The following NDE1 variants were observed in gnomAD, a reference collection of about 807,000 sequenced individuals.
NDE1 encodes the protein nudE neurodevelopment protein 1.
Under a neutral mutation model 43.4 loss-of-function variants are expected in NDE1, and 28 were observed. The ratio of observed to expected loss-of-function variants is 0.65; its 90% CI spans 0.48 to 0.89. The LOEUF is 0.89. Ranked by LOEUF, NDE1 falls within the 40% of genes least tolerant of loss-of-function variation. The probability of loss-of-function intolerance (pLI) is 0.00; values close to 1 mark genes in which losing one functional copy is unlikely to be tolerated. For synonymous variants in NDE1, 184 were observed against 172.0 expected, an observed-to-expected ratio of 1.07 and a Z score of -0.55; for missense variants, 441 against 434.1, an observed-to-expected ratio of 1.02 and a Z score of -0.14.
At chr16:15,722,701 A>C (rs2040548186) in intron 8 of NDE1, among the ~76,000 whole-genome samples, 2 of 152,178 alleles carry the variant, frequency 1.3e-5, no homozygotes, top group Non-Finnish European at 1.5e-5. Context: ...AGGGGTAGGG[A>C]ACCTGCAGGC....
chr16:15,672,869 T>G (rs1024356314), intron 3 of NDE1: 1 of 152,252 alleles, frequency 6.6e-6, no homozygotes, highest in African/African-American at 2.4e-5. Context: ...GGTCTGCCTC[T>G]ACTTGCTGGG....
chr16:15,691,313 C>T lies in NDE1; in HGVS notation c.693C>T (p.Ser231=). ...GPSSSLNTPG[S]FRRGLDDSTG... ...GCTCAAGTTTAAACACACCTGGGAG[C>T]TTCAGACGTGGTAAGGGGAGTGGGA... The change falls in exon 6 of 9, where the codon AGC becomes AGT. Residue 231 remains serine (S), a synonymous_variant. Transcript: ENST00000396354. The T allele has an allele frequency of 6.2e-7, 1 of 1,614,018 alleles. No individual in the cohort carries two copies. The highest frequency in any genetic ancestry group is 8.5e-7 in the Non-Finnish European group (1 of 1,179,980).
intron 8 of NDE1, chr16:15,703,331 T>C (rs190666606): frequency 4.3e-6 from 1 of 230,766 alleles, no homozygotes; most frequent in Non-Finnish European, 8.6e-6. Context: ...AGGCCTGACG[T>C]GAGAAGTTGG....
At chr16:15,648,450 T>C (rs1335441881), upstream of NDE1, among the ~76,000 whole-genome samples, 1 of 152,210 alleles carries the variant, frequency 6.6e-6, no homozygotes, top group Non-Finnish European at 1.5e-5. Context: ...TATTTATTTA[T>C]TTATTTTGAG....
At chr16:15,682,767 C>A (rs747123494) in intron 4 of NDE1, among the ~76,000 whole-genome samples, 1 of 152,052 alleles carries the variant, frequency 6.6e-6, no homozygotes, top group Admixed American at 6.6e-5. Flanking sequence ...CTCTGTAGCC[C>A]AGGCTGGAGT....
intron 6 of NDE1, 81 bp from the exon 7 acceptor site, chr16:15,694,084 G>T (rs181459618): frequency 6.6e-7 from 1 of 1,512,328 alleles, no homozygotes; most frequent in African/African-American, 1.4e-5. Flanking sequence ...CTCCTGTCCC[G>T]TGGTTTTGGA....
intron 8 of NDE1, chr16:15,718,101 T>G: frequency 2.8e-6 from 2 of 722,426 alleles, no homozygotes; most frequent in Non-Finnish European, 4.5e-6. Context: ...GGCTGGAAAA[T>G]GAGACACTGC....
intron 7 of NDE1, chr16:15,696,023 A>G (rs2038991374): frequency 6.9e-6 from 1 of 144,916 alleles, no homozygotes; most frequent in Admixed American, 7.2e-5. Flanking sequence ...TCCCATTTTA[A>G]AAAATTTTTT....
At chr16:15,675,084 T>G (rs969241346) in intron 3 of NDE1, among the ~76,000 whole-genome samples, 12 of 152,142 alleles carry the variant, frequency 7.9e-5, no homozygotes, top group African/African-American at 2.4e-4. Flanking sequence ...GTCTGAAGAT[T>G]GTGGGAACCA....
At position 15,673,077 on chromosome 16, in the gene NDE1, T is replaced by C. The variant is rs558771066; in HGVS notation, c.238-4724T>C. Among the ~76,000 whole-genome samples the C allele has an allele frequency of 1.8e-4, 28 of 152,366 alleles. 2 individuals are homozygous for C. In the South Asian group the frequency reaches 3.3e-3, roughly 18 times the overall value. ...CATCACCCTGGGTGCATCCGGACTT[T>C]CTAGCAACGGCTTTGTTTACTTGAT... On this transcript the variant is annotated intron_variant, in intron 3 of 8. Coordinates refer to ENST00000396354, the MANE Select transcript of NDE1 (RefSeq NM_017668.3).
At chr16:15,667,119 G>A (rs1297751282) in intron 2 of NDE1, among the ~76,000 whole-genome samples, 167 bp from the exon 3 acceptor site, 3 of 152,100 alleles carry the variant, frequency 2.0e-5, no homozygotes, top group African/African-American at 7.2e-5. Flanking sequence ...GGTGCCGCAT[G>A]CCTGTAGTCC....
At chr16:15,689,873 G>GA (rs2038641545) in intron 5 of NDE1, among the ~76,000 whole-genome samples, 1 of 62,708 alleles carries the variant, frequency 1.6e-5, no homozygotes, top group Admixed American at 1.6e-4. Context: ...CCGGGAGGCA[G>GA]ATTTACAGTG....
intron 1 of NDE1, chr16:15,651,436 T>G (rs1053673991): frequency 7.4e-5 from 11 of 149,220 alleles, no homozygotes; most frequent in African/African-American, 1.8e-4. Context: ...ACCCGTTTTT[T>G]TTTTTTTTTT....
At chr16:15,706,281 T>G (rs1198078584) in intron 8 of NDE1, among the ~76,000 whole-genome samples, 1 of 152,148 alleles carries the variant, frequency 6.6e-6, no homozygotes, top group Admixed American at 6.5e-5. Context: ...TCTTTTTCTT[T>G]TTTAGCACTG....
In NDE1 at chr16:15,717,134, G is replaced by A. The variant is rs371348553; in HGVS notation, c.948-7057G>A. 32 of 1,613,948 alleles carry A rather than the reference G, an allele frequency of 2.0e-5. No homozygotes were observed. The highest frequency in any genetic ancestry group is 5.0e-5 in the Admixed American group (3 of 59,994). ...AAACTGGGTTCGGAACTCCACACCC[G>A]CATACCTGGCCTCCTGCTCGACCTG... On this transcript the variant is annotated intron_variant, in intron 8 of 8. Coordinates refer to ENST00000396354, the MANE Select transcript of NDE1 (RefSeq NM_017668.3).
At position 15,724,450 on chromosome 16, in the gene NDE1, T is replaced by C. The variant is rs1418491603; in HGVS notation, c.*199T>C. The C allele has an allele frequency of 1.9e-6, 3 of 1,612,352 alleles. No homozygotes were observed. The highest frequency in any genetic ancestry group is 2.5e-6 in the Non-Finnish European group (3 of 1,179,666). ...CCAGGGTAGGGTGAGAGGGGGACCATGAGTGGCCCCTGTCCCTGGCCCCAC... is the reference window on the plus strand; with the variant it reads ...CCAGGGTAGGGTGAGAGGGGGACCACGAGTGGCCCCTGTCCCTGGCCCCAC... On this transcript the variant is annotated 3_prime_UTR_variant, in exon 9 of 9. Transcript: ENST00000396354.
intron 4 of NDE1, among the ~76,000 whole-genome samples, chr16:15,681,111 T>C (rs1219656540): frequency 6.6e-6 from 1 of 151,352 alleles, no homozygotes; most frequent in Non-Finnish European, 1.5e-5. Context: ...TGCAATATTT[T>C]TTAATTGTTT....
At chr16:15,685,003 T>G (rs1443727353) in intron 4 of NDE1, among the ~76,000 whole-genome samples, 1 of 152,218 alleles carries the variant, frequency 6.6e-6, no homozygotes, top group African/African-American at 2.4e-5. Context: ...CAGTCCAGTT[T>G]ATTCCCCCAG....
intron 3 of NDE1, among the ~76,000 whole-genome samples, chr16:15,671,067 A>G (rs1413915665): frequency 6.6e-6 from 1 of 152,178 alleles, no homozygotes; most frequent in East Asian, 1.9e-4. Flanking sequence ...AACGTTTTCC[A>G]GCATATAAGG....
Sources: gnomAD v4.1 joint callset for allele counts (sites outside exome capture counted in the v4.1 genomes callset) on GRCh38, gnomAD v4.1.1 for gene constraint, MANE v1.5 for transcripts, NCBI Gene and HGNC (gene_info 2026-07-23, HGNC 2026-07-21) for gene names.